Variants in RBFOX2 observed in about 807,000 individuals in gnomAD.
RBFOX2 encodes the protein RNA binding protein fox-1 homolog 2.
Under a neutral mutation model 49.1 loss-of-function variants are expected in RBFOX2, and 10 were observed. That is an observed-to-expected ratio of 0.20 (90% confidence interval 0.13 to 0.35). The LOEUF is 0.35. Among genes scored for constraint, RBFOX2 ranks in the 10% least tolerant of loss-of-function variants. The pLI is 1.00. For synonymous variants in RBFOX2, 183 were observed against 187.4 expected (o/e 0.98, Z 0.19); for missense variants, 323 against 486.9 (o/e 0.66, Z 3.17).
Position 35,865,714 on chromosome 22 carries a change from T to A in RBFOX2, c.-33-55710A>T, listed in dbSNP as rs2043600452. 2.6e-5 allele frequency among the ~76,000 whole-genome samples: 4 copies of A among 152,274 alleles called. No individual in the cohort carries two copies. In the South Asian group the frequency reaches 8.3e-4, roughly 32 times the overall value. ...TTAGCTGCAAATAGATGAGTATGAT[T>A]ACACAGTGTTGCCTCTTACCCAAAT... On this transcript the variant is annotated intron_variant, in intron 1 of 13. Transcript: ENST00000359369.
intron 1 of RBFOX2, among the ~76,000 whole-genome samples, chr22:35,984,010 G>T (rs553555578): frequency 6.6e-6 from 1 of 152,208 alleles, no homozygotes; most frequent in African/African-American, 2.4e-5. Context: ...CTTCCACTCA[G>T]ATAATTTTTT....
At chr22:35,883,604 G>C (rs1254199345) in intron 1 of RBFOX2, among the ~76,000 whole-genome samples, 2 of 152,092 alleles carry the variant, frequency 1.3e-5, no homozygotes, top group Non-Finnish European at 2.9e-5. Flanking sequence ...TCAAGTTCTG[G>C]CTCCTTTTTT....
At chr22:35,779,972 C>T (rs1397580792) in intron 3 of RBFOX2, among the ~76,000 whole-genome samples, 2 of 152,164 alleles carry the variant, frequency 1.3e-5, no homozygotes, top group East Asian at 1.9e-4. Flanking sequence ...TCCATTCTCA[C>T]AGACCTCCAG....
At chr22:35,854,800 AT>A (rs1196361578) in intron 1 of RBFOX2, among the ~76,000 whole-genome samples, 1 of 152,096 alleles carries the variant, frequency 6.6e-6, no homozygotes, top group East Asian at 1.9e-4. Context: ...TTTCTGTAAA[AT>A]TTTTTTAATT....
At chr22:35,828,826 C>G (rs905202610) in intron 1 of RBFOX2, among the ~76,000 whole-genome samples, 1 of 151,926 alleles carries the variant, frequency 6.6e-6, no homozygotes, top group Non-Finnish European at 1.5e-5. Flanking sequence ...CCGAGGCGGG[C>G]GGATCTTGAG....
intron 1 of RBFOX2, among the ~76,000 whole-genome samples, chr22:35,959,694 C>G (rs2055986866): frequency 6.6e-6 from 1 of 152,140 alleles, no homozygotes. Flanking sequence ...CCAATCTTGA[C>G]CGATCATTTG....
chr22:35,831,684 C>T (rs373489423), intron 1 of RBFOX2, among the ~76,000 whole-genome samples: 2 of 152,142 alleles, frequency 1.3e-5, no homozygotes, highest in Non-Finnish European at 2.9e-5. Flanking sequence ...AGAAAAAGTT[C>T]GTGGATCTTT....
chr22:36,023,976 A>G (rs1009475381), intron 1 of RBFOX2, among the ~76,000 whole-genome samples: 2 of 152,228 alleles, frequency 1.3e-5, no homozygotes, highest in African/African-American at 4.8e-5. Flanking sequence ...TTAGTGGTAC[A>G]ACTTAACAAG....
intron 1 of RBFOX2, among the ~76,000 whole-genome samples, chr22:35,873,770 T>G (rs933565407): frequency 1.3e-5 from 2 of 152,218 alleles, no homozygotes; most frequent in South Asian, 2.1e-4. Context: ...TCTGCCTCCC[T>G]GGTTGAAATG....
intron 1 of RBFOX2, among the ~76,000 whole-genome samples, chr22:36,013,802 G>C (rs984934046): frequency 1.3e-5 from 2 of 152,198 alleles, no homozygotes; most frequent in Non-Finnish European, 1.5e-5. Context: ...AAGGAGGGGG[G>C]ATAACAGACA....
intron 1 of RBFOX2, among the ~76,000 whole-genome samples, chr22:35,930,599 G>A (rs2052279180): frequency 6.6e-6 from 1 of 151,996 alleles, no homozygotes; most frequent in Admixed American, 6.6e-5. Context: ...GGAGGCTGAA[G>A]CAGGCGGATC....
At chr22:35,905,919 A>G (rs1230610210) in intron 1 of RBFOX2, among the ~76,000 whole-genome samples, 1 of 152,168 alleles carries the variant, frequency 6.6e-6, no homozygotes, top group Non-Finnish European at 1.5e-5. Context: ...ATATGAAAAT[A>G]TTTGCCATTG....
intron 1 of RBFOX2, among the ~76,000 whole-genome samples, chr22:35,980,151 T>C (rs1291814502): frequency 1.3e-5 from 2 of 152,010 alleles, no homozygotes; most frequent in Non-Finnish European, 2.9e-5. Context: ...ATAAAAAAAA[T>C]AGACCAAAGG....
chr22:35,901,425 G>T (rs2048559507), intron 1 of RBFOX2, among the ~76,000 whole-genome samples: 1 of 151,566 alleles, frequency 6.6e-6, no homozygotes, highest in South Asian at 2.1e-4. Context: ...AGGCAGGAGG[G>T]TTTGCTTGAG....
chr22:35,826,799 GTAAGAGAT>G (rs1449715838), intron 1 of RBFOX2, among the ~76,000 whole-genome samples: 1 of 152,122 alleles, frequency 6.6e-6, no homozygotes, highest in Non-Finnish European at 1.5e-5. Flanking sequence ...ATCAGGCACA[GTAAGAGAT>G]TAACAACAAT....
At chr22:35,811,557 T>C (rs1481253506) in intron 1 of RBFOX2, among the ~76,000 whole-genome samples, 3 of 152,158 alleles carry the variant, frequency 2.0e-5, no homozygotes, top group Non-Finnish European at 4.4e-5. Flanking sequence ...TACATTGCTA[T>C]ATTGTTATGT....
At chr22:35,811,770 C>T (rs1161860756) in intron 1 of RBFOX2, among the ~76,000 whole-genome samples, 1 of 151,970 alleles carries the variant, frequency 6.6e-6, no homozygotes, top group Admixed American at 6.6e-5. Flanking sequence ...TCAAGATCAG[C>T]CTGGCCAACA....
intron 1 of RBFOX2, among the ~76,000 whole-genome samples, chr22:36,013,996 G>T (rs896816225): frequency 8.6e-5 from 13 of 151,634 alleles, no homozygotes; most frequent in Non-Finnish European, 1.8e-4. Context: ...GCATCACAAC[G>T]TCTGCTTATG....
At chr22:35,831,381 C>T (rs745850152) in intron 1 of RBFOX2, among the ~76,000 whole-genome samples, 6 of 151,872 alleles carry the variant, frequency 4.0e-5, no homozygotes, top group Non-Finnish European at 7.4e-5. Context: ...GGCAGTGATC[C>T]GAGATCGCAC....
Sources: gnomAD v4.1 joint callset for allele counts (sites outside exome capture counted in the v4.1 genomes callset) on GRCh38, gnomAD v4.1.1 for gene constraint, MANE v1.5 for transcripts, NCBI Gene and HGNC (gene_info 2026-07-23, HGNC 2026-07-21) for gene names.